Variants in PKHD1L1 observed in about 807,000 individuals in gnomAD.
The protein encoded by PKHD1L1 is PKHD1 like 1.
In PKHD1L1, 434 loss-of-function variants were observed where a neutral mutation model predicts 462.9. The ratio of observed to expected loss-of-function variants is 0.94; its 90% CI spans 0.87 to 1.02. The LOEUF (loss-of-function observed/expected upper bound fraction) is 1.02. Ranked by LOEUF, PKHD1L1 falls within the 50% of genes least tolerant of loss-of-function variation. The pLI is 0.00. For synonymous variants in PKHD1L1, 1,781 were observed against 1,750.0 expected (o/e 1.02, Z -0.44); for missense variants, 5,202 against 5,096.1 (o/e 1.02, Z -0.63).
chr8:109,465,548 A>G (rs1274087221), intron 49 of PKHD1L1, among the ~76,000 whole-genome samples: 1 of 152,174 alleles, frequency 6.6e-6, no homozygotes, highest in Non-Finnish European at 1.5e-5. Context: ...AAAGGAAACC[A>G]TTTCAGTTTT....
At chr8:109,370,254 A>C (rs1226107257) in intron 2 of PKHD1L1, among the ~76,000 whole-genome samples, 2 of 151,958 alleles carry the variant, frequency 1.3e-5, no homozygotes, top group Non-Finnish European at 2.9e-5. Context: ...GAGTAGCTGG[A>C]ATTACAGGGC....
At chr8:109,414,168 A>T (rs146202220) in intron 21 of PKHD1L1, among the ~76,000 whole-genome samples, 2 of 152,174 alleles carry the variant, frequency 1.3e-5, no homozygotes, top group Admixed American at 1.3e-4. Flanking sequence ...TACACAGTAC[A>T]TACAAAAATT....
chr8:109,427,538 C>T (rs1428910636), intron 25 of PKHD1L1, among the ~76,000 whole-genome samples: 1 of 152,082 alleles, frequency 6.6e-6, no homozygotes. Flanking sequence ...ACCACGAGAG[C>T]TGTATTTTGG....
chr8:109,364,030 A>G (rs1244917024), intron 1 of PKHD1L1, among the ~76,000 whole-genome samples: 1 of 152,232 alleles, frequency 6.6e-6, no homozygotes, highest in Non-Finnish European at 1.5e-5. Flanking sequence ...GGCTAGAAGA[A>G]TCTCAGAAAT....
rs765953367 is a variant in PKHD1L1 at position 109,465,100 on chromosome 8, G to A, written c.8268G>A (p.Val2756=). 7.4e-6 allele frequency: 12 copies of A among 1,613,706 alleles called. No homozygotes were observed. In the South Asian group the frequency reaches 1.1e-4, roughly 15 times the overall value. ...GTCCCAACTGTGTAGCTTTGGGAGTGACATCCATCTCTGGAGTTTGTAATG... is the reference window on the plus strand; with the variant it reads ...GTCCCAACTGTGTAGCTTTGGGAGTAACATCCATCTCTGGAGTTTGTAATG... ...FDRPNCVALG[V]TSISGVCNDR... is the part of the protein sequence containing the mutation. The change falls in exon 49 of 78, where the codon GTG becomes GTA. Residue 2756 remains valine (V), a synonymous_variant. Coordinates refer to ENST00000378402, the MANE Select transcript of PKHD1L1 (RefSeq NM_177531.6).
intron 6 of PKHD1L1, among the ~76,000 whole-genome samples, chr8:109,386,241 G>A (rs181026577): frequency 3.3e-5 from 5 of 152,260 alleles, no homozygotes; most frequent in East Asian, 1.9e-4. Flanking sequence ...AAAAACTAGC[G>A]TTGTCACTAG....
Position 109,489,986 on chromosome 8 carries a change from C to T in PKHD1L1, c.9915C>T (p.His3305=). The T allele has an allele frequency of 6.2e-7, 1 of 1,607,848 alleles. No homozygotes were observed. The highest frequency in any genetic ancestry group is 8.5e-7 in the Non-Finnish European group (1 of 1,175,362). Residue 3305 remains histidine (H), a synonymous_variant, in exon 60 of 78, where the codon CAC becomes CAT. Coordinates refer to ENST00000378402, the MANE Select transcript of PKHD1L1 (RefSeq NM_177531.6). ...NARISNVEFY[H]SGQEGFRDST... ...GAATAAGTAATGTGGAATTTTATCA[C>T]AGTGGTCAAGAAGGCTTCAGGGATA...
At position 109,498,323 on chromosome 8, in the gene PKHD1L1, G is replaced by A. The variant is rs1819224185; in HGVS notation, c.10600-139G>A. ...TCACCTTGTTAGCCAGGATGGTCTC[G>A]ATCTCCTGACCTCATGATCCACCCG... is the stretch of plus-strand genomic sequence containing the variant. On this transcript the variant is annotated intron_variant, in intron 65 of 77. Transcript: ENST00000378402. The A allele has an allele frequency of 1.8e-5, 4 of 227,820 alleles. 2 individuals are homozygous for A. The highest frequency in any genetic ancestry group is 2.0e-4 in the Admixed American group (2 of 10,074). 14.1% of individuals were successfully genotyped at this position (227,820 alleles called of 1,614,324 possible).
rs1344730011 is a variant in PKHD1L1, at chr8:109,443,891, T to A, written c.4780T>A (p.Trp1594Arg). The change falls in exon 37 of 78, where the codon TGG becomes AGG. Residue 1594 changes from tryptophan (W) to arginine (R), a missense_variant. By Grantham distance (101) the Trp-to-Arg change is moderately radical. Around this residue, in one of 3 missense-constraint regions of PKHD1L1, gnomAD observed 4,497 missense variants for 4,336.8 expected, o/e 1.04. Transcript: ENST00000378402. ...IIGHGFSNLPWANKVTIGSYP... is the reference protein window; with the variant it reads ...IIGHGFSNLPRANKVTIGSYP... ...TGGACATGGCTTTAGTAATCTCCCA[T>A]GGGCTAATAAGGTAAGAATATAAAT... is the stretch of plus-strand genomic sequence containing the variant. 1.2e-6 allele frequency: 2 copies of A among 1,608,440 alleles called. No homozygotes were observed. Among genetic ancestry groups the A allele is most frequent in the Middle Eastern group, 1.7e-4 (1 of 5,968 alleles).
intron 38 of PKHD1L1, among the ~76,000 whole-genome samples, chr8:109,445,866 G>A (rs1179091146): frequency 7.9e-5 from 12 of 151,918 alleles, no homozygotes; most frequent in Non-Finnish European, 1.5e-4. Flanking sequence ...CTTCTATTTA[G>A]GAACAAAATT....
Position 109,535,341 on chromosome 8 carries a change from T to C in PKHD1L1, c.*5251T>C, listed in dbSNP as rs1821123796. Among the ~76,000 whole-genome samples the C allele has an allele frequency of 6.6e-6, 1 of 152,210 alleles. No homozygotes were observed. The highest frequency in any genetic ancestry group is 6.5e-5 in the Admixed American group (1 of 15,278). On this transcript the variant is annotated 3_prime_UTR_variant, in exon 78 of 78. Coordinates refer to ENST00000378402, the MANE Select transcript of PKHD1L1 (RefSeq NM_177531.6). ...CCTTTATATATGTAAACGCTATAAA[T>C]TCTTAGGAAGAAAATAAATTTATTA...
rs906288936 is a variant in PKHD1L1, at chr8:109,394,667, C to A, written c.811+182C>A. On this transcript the variant is annotated intron_variant, in intron 10 of 77. Coordinates refer to ENST00000378402, the MANE Select transcript of PKHD1L1 (RefSeq NM_177531.6). ...CTACAACATTAAGCATGACCTCCCC[C>A]ACAGCAGACAATATTCTTAGTTTAA... is the stretch of plus-strand genomic sequence containing the variant. Among the ~76,000 whole-genome samples, 8 of 152,158 alleles carry A rather than the reference C, an allele frequency of 5.3e-5. No homozygotes were observed. In the South Asian group the frequency reaches 8.3e-4, roughly 16 times the overall value.
rs542538488 is a variant in PKHD1L1, at chr8:109,481,441, A to T, written c.9336A>T (p.Arg3112Ser). The T allele has an allele frequency of 1.3e-5, 21 of 1,595,004 alleles. No homozygotes were observed. The Middle Eastern group carries it at 1.0e-3, about 76-fold the overall frequency. ...NATYISLQGG[R>S]LIGGWEDNPF... ...TTTCTGCTTCATTTCAGGGAGGTAG[A>T]TTAATCGGTGGCTGGGAAGATAACC... The change falls in exon 56 of 78, where the codon AGA becomes AGT. Residue 3112 changes from arginine to serine, a missense_variant. Coordinates refer to ENST00000378402, the MANE Select transcript of PKHD1L1 (RefSeq NM_177531.6).
chr8:109,388,896 A>AATTTT (rs1199480948), intron 7 of PKHD1L1, among the ~76,000 whole-genome samples, 183 bp from the exon 8 acceptor site: 2 of 152,164 alleles, frequency 1.3e-5, no homozygotes, highest in Non-Finnish European at 2.9e-5. Context: ...TGTTGTATAA[A>AATTTT]ATTTTATGCA....
chr8:109,447,742 C>T (rs932022390), intron 38 of PKHD1L1, among the ~76,000 whole-genome samples: 7 of 152,168 alleles, frequency 4.6e-5, no homozygotes, highest in African/African-American at 1.4e-4. Context: ...CTGCTAATGT[C>T]AGGAAGGAAG....
At position 109,533,216 on chromosome 8, in the gene PKHD1L1, C is replaced by T. The variant is rs1684659744; in HGVS notation, c.*3126C>T. ...TGGTTTCTACTTTACCACTTCTATG[C>T]CCTCAGGCAAGTTCTTAGTTTCCAT... is the stretch of plus-strand genomic sequence containing the variant. On this transcript the variant is annotated 3_prime_UTR_variant, in exon 78 of 78. Coordinates refer to ENST00000378402, the MANE Select transcript of PKHD1L1 (RefSeq NM_177531.6). 6.6e-6 allele frequency among the ~76,000 whole-genome samples: 1 copy of T among 152,368 alleles called. No individual in the cohort carries two copies. Among genetic ancestry groups the T allele is most frequent in the East Asian group, 1.9e-4 (1 of 5,190 alleles).
At chr8:109,374,886 G>C (rs931415682) in intron 2 of PKHD1L1, among the ~76,000 whole-genome samples, 1 of 152,190 alleles carries the variant, frequency 6.6e-6, no homozygotes, top group Non-Finnish European at 1.5e-5. Flanking sequence ...AGTCTGATGG[G>C]CTTCCCTTTG....
rs1395052104 is a variant in PKHD1L1 at position 109,427,000 on chromosome 8, A to G, written c.2846-2A>G. 1.8e-5 allele frequency: 27 copies of G among 1,477,632 alleles called. No individual in the cohort carries two copies. Among genetic ancestry groups the G allele is most frequent in the Non-Finnish European group, 2.3e-5 (24 of 1,056,116 alleles). The allele number at this position is 1,477,632 out of a possible 1,614,324, so 91.5% of individuals were successfully genotyped here. A position where few individuals can be genotyped will look rare whatever the true frequency, so the allele number is the denominator to read the frequency against. On this transcript the variant is annotated splice_acceptor_variant, in intron 24 of 77. Coordinates refer to ENST00000378402, the MANE Select transcript of PKHD1L1 (RefSeq NM_177531.6). LOFTEE classifies it high-confidence loss of function. ...CTGTTTGCCACCCCTCTGTGAGTGC[A>G]GGCCTCCCCGCTGCTGTGTCAGCTG...
rs1048544345 is a variant in PKHD1L1, at chr8:109,445,016, C to T, written c.5147C>T (p.Pro1716Leu). The change falls in exon 38 of 78, where the codon CCT becomes CTT. Residue 1716 changes from proline to leucine, a missense_variant. Pro to Leu is a moderately conservative substitution (Grantham distance 98). This residue lies in a region of PKHD1L1 where 4,497 missense variants were observed against 4,336.8 expected (regional missense o/e 1.04). Coordinates refer to ENST00000378402, the MANE Select transcript of PKHD1L1 (RefSeq NM_177531.6). ...ACGGCCATTGAATGTGAAACATCCC[C>T]TGCTGCCCAACAGCTTGTGGATGTA... ...NYTAIECETS[P>L]AAQQLVDVDL... 1 of 1,614,002 alleles carries T rather than the reference C, an allele frequency of 6.2e-7. No homozygotes were observed. The highest frequency in any genetic ancestry group is 1.7e-5 in the Admixed American group (1 of 60,020).
Sources: allele counts gnomAD v4.1 joint callset (sites outside exome capture counted in the v4.1 genomes callset), GRCh38; gene constraint gnomAD v4.1.1; regional missense constraint gnomAD v4.1.1; transcripts MANE v1.5; gene names NCBI Gene and HGNC (gene_info 2026-07-23, HGNC 2026-07-21).